ARHGAP17: variants seen among roughly 807,000 people sequenced by gnomAD.
ARHGAP17 encodes the protein rho GTPase-activating protein 17.
Under a neutral mutation model 99.5 loss-of-function variants are expected in ARHGAP17, and 57 were observed. The observed-to-expected ratio is 0.57, with a 90% CI of 0.46 to 0.71. The LOEUF is 0.71. ARHGAP17 is among the 30% of genes least tolerant of loss of function. ARHGAP17 has a pLI of 0.00. For missense variants in ARHGAP17, 1,000 were observed against 1,122.4 expected, an observed-to-expected ratio of 0.89 and a Z score of 1.56; for synonymous variants, 417 against 429.6, an observed-to-expected ratio of 0.97 and a Z score of 0.36.
At chr16:24,925,765 G>C (rs1301737901) in intron 19 of ARHGAP17, among the ~76,000 whole-genome samples, 1 of 152,088 alleles carries the variant, frequency 6.6e-6, no homozygotes, top group Non-Finnish European at 1.5e-5. Context: ...ATCCAAATCT[G>C]TCTATGTCAA....
chr16:24,964,144 C>A, intron 7 of ARHGAP17, 53 bp downstream of exon 7: 1 of 1,191,472 alleles, frequency 8.4e-7, no homozygotes, highest in Admixed American at 2.4e-5. Context: ...TTTGAACTTT[C>A]ATCCCTCATT....
intron 7 of ARHGAP17, among the ~76,000 whole-genome samples, chr16:24,960,603 G>A (rs996728187): frequency 3.3e-5 from 5 of 151,742 alleles, no homozygotes; most frequent in Non-Finnish European, 5.9e-5. Context: ...GGATCACAAC[G>A]TCAGGAGATT....
intron 7 of ARHGAP17, among the ~76,000 whole-genome samples, 162 bp from the exon 8 acceptor site, chr16:24,960,141 G>T (rs2051940640): frequency 6.6e-6 from 1 of 152,160 alleles, no homozygotes; most frequent in Non-Finnish European, 1.5e-5. Flanking sequence ...AGAATAAGGA[G>T]GCTTCTTACA....
intron 2 of ARHGAP17, 95 bp downstream of exon 2, chr16:24,978,866 TAAAAA>T: frequency 1.4e-3 from 800 of 585,404 alleles, no homozygotes; most frequent in Non-Finnish European, 1.4e-3. Flanking sequence ...TGTTTCTGGT[TAAAAA>T]AAAAAAAAAA....
intron 7 of ARHGAP17, among the ~76,000 whole-genome samples, chr16:24,963,108 T>C (rs1397559870): frequency 1.3e-5 from 2 of 152,228 alleles, no homozygotes; most frequent in East Asian, 1.9e-4. Context: ...ATAGCCAGGA[T>C]CTAGGTTAGA....
chr16:24,966,778 A>T (rs1205680954), intron 6 of ARHGAP17, among the ~76,000 whole-genome samples: 1 of 152,176 alleles, frequency 6.6e-6, no homozygotes, highest in Non-Finnish European at 1.5e-5. Context: ...GGAACATCAC[A>T]TGTACACATG....
chr16:24,980,922 G>A (rs575915030), intron 1 of ARHGAP17, among the ~76,000 whole-genome samples: 1 of 152,076 alleles, frequency 6.6e-6, no homozygotes, highest in African/African-American at 2.4e-5. Flanking sequence ...GAAGTCTCAA[G>A]GCCTATTAAA....
chr16:24,954,139 T>C (rs1351078288), intron 10 of ARHGAP17, among the ~76,000 whole-genome samples: 1 of 152,096 alleles, frequency 6.6e-6, no homozygotes, highest in Non-Finnish European at 1.5e-5. Flanking sequence ...TAATAAAAAC[T>C]CCCTTATTTG....
intron 2 of ARHGAP17, chr16:24,977,601 TGAGCCTTCCACACAATGTACATCA>T (rs1235470858): frequency 1.3e-5 from 4 of 301,800 alleles, no homozygotes; most frequent in African/African-American, 8.6e-5. Flanking sequence ...TCATGGCAAC[TGAGCCTTCCACACAATGTACATCA>T]GACAGAAGCA....
chr16:25,010,071 CTCTTT>C (rs938926087), intron 1 of ARHGAP17, among the ~76,000 whole-genome samples: 1 of 151,012 alleles, frequency 6.6e-6, no homozygotes, highest in Non-Finnish European at 1.5e-5. Context: ...AGGTTTCTTC[CTCTTT>C]TTTTTCTTTT....
intron 6 of ARHGAP17, among the ~76,000 whole-genome samples, chr16:24,966,657 G>A (rs1407334672): frequency 6.6e-6 from 1 of 151,856 alleles, no homozygotes; most frequent in Admixed American, 6.6e-5. Context: ...GTAGCTGGGT[G>A]TGGTGGTGTG....
chr16:24,930,980 C>T lies in ARHGAP17; in HGVS notation c.2319G>A (p.Leu773=), dbSNP rs754251618. ...CCCCTGCCAGGGTCTGAGGAGCTGG[C>T]AGACTGGGGTTCTGTTTTCCTAGGG... ...TPPLGKQNPS[L]PAPQTLAGGN... The change falls in exon 19 of 20, where the codon CTG becomes CTA. Residue 773 remains leucine (L), a synonymous_variant. Transcript: ENST00000289968. 6 of 1,613,428 alleles carry T rather than the reference C, an allele frequency of 3.7e-6. No homozygotes were observed. In the South Asian group the frequency reaches 6.6e-5, roughly 18 times the overall value.
rs2053758194 is a variant in ARHGAP17, at chr16:25,015,310, G to A, written c.-49C>T. The A allele has an allele frequency of 7.8e-7, 1 of 1,281,788 alleles. No individual in the cohort carries two copies. The highest frequency in any genetic ancestry group is 9.9e-7 in the Non-Finnish European group (1 of 1,010,314). 79.4% of individuals were successfully genotyped at this position (1,281,788 alleles called of 1,614,324 possible). On this transcript the variant is annotated 5_prime_UTR_variant, in exon 1 of 20. Transcript: ENST00000289968. ...GCGGGGCTCGGGCCGGGCAGGGCGGGGGACAGCCTGGCAGCTACTACATCG... is the reference window on the plus strand; with the variant it reads ...GCGGGGCTCGGGCCGGGCAGGGCGGAGGACAGCCTGGCAGCTACTACATCG...
chr16:24,982,992 ATATATTTTTTTTT>A (rs1288094830), intron 1 of ARHGAP17, among the ~76,000 whole-genome samples: 2 of 28,758 alleles, frequency 7.0e-5, no homozygotes, highest in African/African-American at 2.9e-4. Context: ...ATATATATAT[ATATATTTTTTTTT>A]TTTTTTTTTT....
Position 24,931,027 on chromosome 16 carries a change from G to A in ARHGAP17, c.2272C>T (p.Pro758Ser), listed in dbSNP as rs549050721. 1 of 1,612,082 alleles carries A rather than the reference G, an allele frequency of 6.2e-7. No homozygotes were observed. Among genetic ancestry groups the A allele is most frequent in the Non-Finnish European group, 8.5e-7 (1 of 1,178,968 alleles). Residue 758 changes from proline (P) to serine (S), a missense_variant, in exon 19 of 20, where the codon CCA becomes TCA. Physicochemically the swap from Pro to Ser is moderately conservative, Grantham distance 74. Coordinates refer to ENST00000289968, the MANE Select transcript of ARHGAP17 (RefSeq NM_001006634.3). ...AGGGGCGGAGTACTGGGGGGCGTTG[G>A]AGTCTGGGGAGGGGTGTGAGATGGC... ...EQPSHTPPQT[P>S]TPPSTPPLGK...
At chr16:24,931,473 C>T in intron 18 of ARHGAP17, 69 bp from the exon 19 acceptor site, 1 of 1,420,256 alleles carries the variant, frequency 7.0e-7, no homozygotes, top group Non-Finnish European at 9.3e-7. Context: ...GGCCAGGAGC[C>T]CAAATTTAAC....
At chr16:24,959,621 G>C (rs756297329) in intron 9 of ARHGAP17, 50 bp downstream of exon 9, 5 of 1,572,968 alleles carry the variant, frequency 3.2e-6, no homozygotes, top group Non-Finnish European at 4.4e-6. Context: ...AACCCAGGCA[G>C]AGGTGGCAGA....
At chr16:25,007,357 G>A (rs906953475) in intron 1 of ARHGAP17, among the ~76,000 whole-genome samples, 1 of 152,104 alleles carries the variant, frequency 6.6e-6, no homozygotes, top group Non-Finnish European at 1.5e-5. Context: ...AGTTCATTAC[G>A]AATGCCACTG....
chr16:24,997,856 A>G (rs895084743), intron 1 of ARHGAP17, among the ~76,000 whole-genome samples: 5 of 152,186 alleles, frequency 3.3e-5, no homozygotes, highest in African/African-American at 4.8e-5. Flanking sequence ...GACCTGTTGA[A>G]CATTCAGGTG....
Sources: gnomAD v4.1 joint callset for allele counts (sites outside exome capture counted in the v4.1 genomes callset) on GRCh38, gnomAD v4.1.1 for gene constraint, MANE v1.5 for transcripts, NCBI Gene and HGNC (gene_info 2026-07-23, HGNC 2026-07-21) for gene names.